Variants in ZNF536 observed in about 807,000 individuals in gnomAD.
ZNF536 encodes zinc finger protein 536.
In ZNF536, 13 loss-of-function variants were observed where a neutral mutation model predicts 84.5. The observed-to-expected ratio is 0.15, with a 90% CI of 0.10 to 0.24. The LOEUF is 0.24. Among genes scored for constraint, ZNF536 ranks in the 10% least tolerant of loss-of-function variants. The pLI, the probability that ZNF536 is intolerant of heterozygous loss-of-function variation, is 1.00. For synonymous variants in ZNF536, 811 were observed against 742.5 expected (o/e 1.09, Z -1.50); for missense variants, 1,536 against 1,747.5 (o/e 0.88, Z 2.16).
intron 2 of ZNF536, among the ~76,000 whole-genome samples, chr19:30,452,759 G>A (rs765742384): frequency 2.6e-5 from 4 of 152,238 alleles, no homozygotes; most frequent in Admixed American, 1.3e-4. Flanking sequence ...TCCCAAATCC[G>A]TGATGATTGG....
chr19:30,537,464 G>C (rs1295069118), intron 3 of ZNF536, among the ~76,000 whole-genome samples: 1 of 152,196 alleles, frequency 6.6e-6, no homozygotes, highest in South Asian at 2.1e-4. Context: ...ACATTTCCCA[G>C]CCAGGTGGTA....
At chr19:30,698,417 A>G (rs1220094366) in intron 1 of ZNF536, among the ~76,000 whole-genome samples, 1 of 152,226 alleles carries the variant, frequency 6.6e-6, no homozygotes, top group East Asian at 1.9e-4. Context: ...AGCAATATTG[A>G]CACATTATTT....
exon 2 of ZNF536, chr19:30,712,756 T>C (rs2052489842): frequency 1.3e-5 from 2 of 152,278 alleles, no homozygotes; most frequent in Admixed American, 6.5e-5. Flanking sequence ...ATCGAGTTGA[T>C]AAACTTAATG....
chr19:30,333,198 G>C (rs1433064), intron 2 of ZNF536, among the ~76,000 whole-genome samples: 1 of 152,008 alleles, frequency 6.6e-6, no homozygotes, highest in Admixed American at 6.5e-5. Context: ...AATAAATAAG[G>C]AAATAATATT....
At chr19:30,499,931 T>C (rs943529129) in intron 2 of ZNF536, among the ~76,000 whole-genome samples, 7 of 152,236 alleles carry the variant, frequency 4.6e-5, no homozygotes, top group Admixed American at 2.0e-4. Context: ...CTTGGAGATG[T>C]GTGCAAGTCT....
At chr19:30,594,187 C>G (rs1435761939) in intron 1 of ZNF536, among the ~76,000 whole-genome samples, 1 of 152,216 alleles carries the variant, frequency 6.6e-6, no homozygotes, top group South Asian at 2.1e-4. Flanking sequence ...TTGCCCTGGA[C>G]CTCATCTTAC....
intron 2 of ZNF536, among the ~76,000 whole-genome samples, chr19:30,457,501 G>C (rs2148381300): frequency 6.6e-6 from 1 of 152,360 alleles, no homozygotes; most frequent in African/African-American, 2.4e-5. Context: ...GATGGGAGCT[G>C]CTGAGGCCCA....
chr19:30,701,496 C>T (rs1384923788), intron 1 of ZNF536, among the ~76,000 whole-genome samples: 2 of 151,662 alleles, frequency 1.3e-5, no homozygotes, highest in African/African-American at 4.8e-5. Context: ...AACACACACA[C>T]AGACACAAAA....
chr19:30,587,409 A>G (rs1354311698), intron 1 of ZNF536, among the ~76,000 whole-genome samples: 1 of 152,048 alleles, frequency 6.6e-6, no homozygotes, highest in East Asian at 1.9e-4. Context: ...AGTTGGTATT[A>G]CTCTCCCATT....
chr19:30,423,902 C>A (rs368789039), intron 1 of ZNF536, among the ~76,000 whole-genome samples: 9 of 152,120 alleles, frequency 5.9e-5, no homozygotes, highest in African/African-American at 2.2e-4. Flanking sequence ...GGGGGTCAGA[C>A]ACAGGCAGTC....
At chr19:30,376,433 C>G (rs767402367) in intron 1 of ZNF536, among the ~76,000 whole-genome samples, 5 of 152,196 alleles carry the variant, frequency 3.3e-5, no homozygotes, top group Non-Finnish European at 7.3e-5. Context: ...ACTACTTATA[C>G]CAGATAATGA....
intron 1 of ZNF536, among the ~76,000 whole-genome samples, chr19:30,420,037 C>T (rs926654403): frequency 5.3e-5 from 8 of 152,058 alleles, no homozygotes; most frequent in East Asian, 1.9e-4. Context: ...GCAGGCTGGG[C>T]GCTGGGCAGA....
chr19:30,413,916 C>G (rs1196368050), intron 1 of ZNF536, among the ~76,000 whole-genome samples: 1 of 151,600 alleles, frequency 6.6e-6, no homozygotes, highest in Middle Eastern at 3.2e-3. Flanking sequence ...ATGGTGAAAC[C>G]CCCTGTCTCT....
chr19:30,630,908 G>C (rs1471008964), intron 1 of ZNF536, among the ~76,000 whole-genome samples: 2 of 152,234 alleles, frequency 1.3e-5, no homozygotes, highest in Non-Finnish European at 2.9e-5. Context: ...AGACCAGCCT[G>C]TTCTGCAAGG....
chr19:30,507,170 T>C (rs1447564523), intron 2 of ZNF536, among the ~76,000 whole-genome samples: 1 of 152,204 alleles, frequency 6.6e-6, no homozygotes, highest in Non-Finnish European at 1.5e-5. Flanking sequence ...GAGACCAGCC[T>C]GGCCAATATG....
intron 1 of ZNF536, among the ~76,000 whole-genome samples, chr19:30,674,102 C>T (rs2050665987): frequency 6.6e-6 from 1 of 152,180 alleles, no homozygotes; most frequent in Non-Finnish European, 1.5e-5. Flanking sequence ...CATCACATCT[C>T]CAAGAGGCAG....
At chr19:30,538,713 T>C (rs567392137) in intron 3 of ZNF536, among the ~76,000 whole-genome samples, 1 of 152,290 alleles carries the variant, frequency 6.6e-6, no homozygotes, top group South Asian at 2.1e-4. Context: ...GGGCAGACGT[T>C]GATGGCTGCT....
At chr19:30,428,754 T>A (rs2051322050) in intron 1 of ZNF536, among the ~76,000 whole-genome samples, 1 of 152,150 alleles carries the variant, frequency 6.6e-6, no homozygotes, top group Non-Finnish European at 1.5e-5. Flanking sequence ...GCACTGAGGG[T>A]CCTGGACCAG....
At chr19:30,422,718 CT>C (rs1289678183) in intron 1 of ZNF536, among the ~76,000 whole-genome samples, 5 of 152,080 alleles carry the variant, frequency 3.3e-5, no homozygotes, top group African/African-American at 1.2e-4. Context: ...TAGCCCTTCT[CT>C]TTCTCTCTCT....
Sources: gnomAD v4.1 joint callset for allele counts (sites outside exome capture counted in the v4.1 genomes callset) on GRCh38, gnomAD v4.1.1 for gene constraint, MANE v1.5 for transcripts, NCBI Gene and HGNC (gene_info 2026-07-23, HGNC 2026-07-21) for gene names.